Variants in UNC13B observed in about 807,000 individuals in gnomAD.
UNC13B encodes unc-13 homolog B, also known as protein unc-13 homolog B.
UNC13B carries 144 observed loss-of-function variants against 211.0 expected under a neutral mutation model. The observed-to-expected ratio is 0.68, with a 90% CI of 0.60 to 0.78. The LOEUF (loss-of-function observed/expected upper bound fraction) is 0.78, where lower values mean the gene tolerates loss of function less well. UNC13B is among the 30% of genes least tolerant of loss of function. The pLI is 0.00. For missense variants in UNC13B, 1,777 were observed against 2,002.0 expected (o/e 0.89, Z 2.14); for synonymous variants, 709 against 725.8 (o/e 0.98, Z 0.37).
At chr9:35,170,968 A>G (rs937606760) in intron 1 of UNC13B, among the ~76,000 whole-genome samples, 2 of 151,902 alleles carry the variant, frequency 1.3e-5, no homozygotes, top group African/African-American at 4.8e-5. Context: ...GCAACCATAC[A>G]TGGCTAATTT....
At chr9:35,212,423 A>C in intron 1 of UNC13B, among the ~76,000 whole-genome samples, 1 of 152,142 alleles carries the variant, frequency 6.6e-6, no homozygotes. Context: ...AAATACAAAA[A>C]TTAGCCAAGC....
intron 1 of UNC13B, among the ~76,000 whole-genome samples, chr9:35,186,796 G>T (rs1392885265): frequency 1.3e-5 from 2 of 152,064 alleles, no homozygotes; most frequent in African/African-American, 2.4e-5. Context: ...CTTTCCCCTT[G>T]TCTGGTGCCA....
chr9:35,402,789 C>A (rs1836409243), intron 37 of UNC13B, among the ~76,000 whole-genome samples: 2 of 152,004 alleles, frequency 1.3e-5, no homozygotes, highest in South Asian at 4.1e-4. Flanking sequence ...TAGAGAGGAC[C>A]CACATTTTTC....
intron 7 of UNC13B, among the ~76,000 whole-genome samples, chr9:35,280,566 TG>T (rs1828426639): frequency 6.6e-6 from 1 of 152,132 alleles, no homozygotes; most frequent in Non-Finnish European, 1.5e-5. Context: ...GGCAGTGCAA[TG>T]GGTCTAGGAC....
chr9:35,259,511 G>T (rs1030046751), intron 7 of UNC13B, among the ~76,000 whole-genome samples: 4 of 152,044 alleles, frequency 2.6e-5, no homozygotes, highest in African/African-American at 9.7e-5. Flanking sequence ...AGTTTTAAAA[G>T]ACATAGACAT....
chr9:35,342,105 C>T (rs868681693), intron 11 of UNC13B: 83 of 985,256 alleles, frequency 8.4e-5, no homozygotes, highest in Middle Eastern at 5.2e-4. Context: ...CAACTTTGTG[C>T]CGTGGAGCCA....
At chr9:35,391,130 T>C (rs1009340212) in intron 26 of UNC13B, among the ~76,000 whole-genome samples, 1 of 152,202 alleles carries the variant, frequency 6.6e-6, no homozygotes, top group Non-Finnish European at 1.5e-5. Flanking sequence ...GGCCTGGCTT[T>C]TCTTGCAAGC....
intron 11 of UNC13B, among the ~76,000 whole-genome samples, chr9:35,344,348 T>C (rs1832219552): frequency 6.6e-6 from 1 of 152,170 alleles, no homozygotes; most frequent in African/African-American, 2.4e-5. Flanking sequence ...AGTTTTACAA[T>C]GAAAGAGGAC....
chr9:35,268,220 G>C (rs1827682008), intron 7 of UNC13B, among the ~76,000 whole-genome samples: 1 of 152,140 alleles, frequency 6.6e-6, no homozygotes, highest in Admixed American at 6.5e-5. Flanking sequence ...AGAGGGGAAG[G>C]AGTGACCTCT....
chr9:35,394,531 G>A (rs763165263), intron 26 of UNC13B, among the ~76,000 whole-genome samples: 1 of 152,216 alleles, frequency 6.6e-6, no homozygotes, highest in Non-Finnish European at 1.5e-5. Context: ...AGGAGGCAGA[G>A]GTTGCAGTGA....
intron 11 of UNC13B, among the ~76,000 whole-genome samples, chr9:35,315,156 T>C (rs1830388988): frequency 6.6e-6 from 1 of 151,402 alleles, no homozygotes; most frequent in Admixed American, 6.6e-5. Context: ...CCTTCCAAAG[T>C]GCTGAGAGTA....
intron 7 of UNC13B, among the ~76,000 whole-genome samples, chr9:35,266,766 A>C (rs1467463842): frequency 6.6e-6 from 1 of 152,146 alleles, no homozygotes; most frequent in Non-Finnish European, 1.5e-5. Context: ...TGATATATTT[A>C]TTTTAAAATG....
chr9:35,303,333 G>C lies in UNC13B; in HGVS notation c.3929G>C (p.Arg1310Thr), dbSNP rs1829776314. 2.5e-6 allele frequency: 1 copy of C among 398,442 alleles called. No individual in the cohort carries two copies. Among genetic ancestry groups the C allele is most frequent in the Admixed American group, 4.4e-5 (1 of 22,690 alleles). The allele number at this position is 398,442 out of a possible 1,614,324, so 24.7% of individuals were successfully genotyped here. ...TTTTTGGAGAAATCTATGGCTAAGA[G>C]GCAAATGCCAAACCATGTTCTTGAG... ...LGFLEKSMAKRQMPNHVLEAK... is the reference protein window; with the variant it reads ...LGFLEKSMAKTQMPNHVLEAK... The change falls in exon 9 of 40, where the codon AGG becomes ACG. Residue 1310 changes from arginine (R) to threonine (T), a missense_variant. Arg to Thr is a moderately conservative substitution (Grantham distance 71, BLOSUM62 -1). Transcript: ENST00000635942.
At position 35,162,230 on chromosome 9, in the gene UNC13B, A is replaced by T. The variant is rs1228010904; in HGVS notation, c.-54A>T. 10 of 1,541,858 alleles carry T rather than the reference A, an allele frequency of 6.5e-6. No individual in the cohort carries two copies. The Admixed American group carries it at 1.4e-4, about 21-fold the overall frequency. On this transcript the variant is annotated 5_prime_UTR_variant, in exon 1 of 40. Transcript: ENST00000635942. ...GTCGCGGCACCTGCTGAGAGGAAAG[A>T]GGGAGCGGTCCGGCGCGGCTGGGGC... is the stretch of plus-strand genomic sequence containing the variant.
Position 35,283,986 on chromosome 9 carries a change from G to A in UNC13B, c.527-11710G>A, listed in dbSNP as rs187665132. On this transcript the variant is annotated intron_variant, in intron 7 of 39. Transcript: ENST00000635942. ...ATTCATTGAGCAGTACAGGCCGGGC[G>A]TGGTGTTTCACGCCTGTAATCCCAG... Among the ~76,000 whole-genome samples, 14 of 152,272 alleles carry A rather than the reference G, an allele frequency of 9.2e-5. 1 individual carries two copies. The highest frequency in any genetic ancestry group is 5.2e-4 in the Admixed American group (8 of 15,298).
chr9:35,291,411 C>T (rs947160331), intron 7 of UNC13B, among the ~76,000 whole-genome samples: 1 of 152,232 alleles, frequency 6.6e-6, no homozygotes, highest in African/African-American at 2.4e-5. Context: ...GTGTGGCCTT[C>T]TCCTTTGGTC....
At chr9:35,294,345 C>T (rs755340084) in intron 7 of UNC13B, among the ~76,000 whole-genome samples, 4 of 151,368 alleles carry the variant, frequency 2.6e-5, no homozygotes, top group South Asian at 2.1e-4. Flanking sequence ...CTTGCTCTGT[C>T]GCCCAGGCTG....
At chr9:35,232,206 G>A (rs184357273) in intron 3 of UNC13B, among the ~76,000 whole-genome samples, 2 of 11,202 alleles carry the variant, frequency 1.8e-4, no homozygotes, top group East Asian at 0.023. Flanking sequence ...TTTGAGGCAG[G>A]ATCTCACTCT....
chr9:35,381,787 C>A, intron 20 of UNC13B, 68 bp downstream of exon 20: 4 of 1,572,172 alleles, frequency 2.5e-6, no homozygotes, highest in Non-Finnish European at 3.5e-6. Context: ...GGCACACTGA[C>A]ATGGTGGGCA....
Sources: gnomAD v4.1 joint callset for allele counts (sites outside exome capture counted in the v4.1 genomes callset) on GRCh38, gnomAD v4.1.1 for gene constraint, MANE v1.5 for transcripts, NCBI Gene and HGNC (gene_info 2026-07-23, HGNC 2026-07-21) for gene names.